SHISA9: variants seen among roughly 807,000 people sequenced by gnomAD.
SHISA9 encodes the protein protein shisa-9.
SHISA9 carries 13 observed loss-of-function variants against 38.0 expected under a neutral mutation model. The ratio of observed to expected loss-of-function variants is 0.34; its 90% confidence interval spans 0.22 to 0.54. The LOEUF is 0.54. SHISA9 is among the 20% of genes least tolerant of loss of function. SHISA9 has a pLI of 0.91. For synonymous variants in SHISA9, 275 were observed against 242.0 expected, an observed-to-expected ratio of 1.14 and a Z score of -1.27; for missense variants, 538 against 575.8, an observed-to-expected ratio of 0.93 and a Z score of 0.67.
At chr16:12,979,955 G>A (rs2072218936) in intron 2 of SHISA9, among the ~76,000 whole-genome samples, 1 of 151,990 alleles carries the variant, frequency 6.6e-6, no homozygotes. Context: ...AATCTCCTGG[G>A]GATCATATTA....
intron 4 of SHISA9, among the ~76,000 whole-genome samples, chr16:13,225,040 G>A (rs1164445644): frequency 2.0e-5 from 3 of 152,130 alleles, no homozygotes; most frequent in East Asian, 3.9e-4. Flanking sequence ...AATTAATGTG[G>A]GCCCTAATCC....
At chr16:13,544,308 A>G in the SHISA9 span, among the ~76,000 whole-genome samples, 2 of 149,082 alleles carry the variant, frequency 1.3e-5, no homozygotes, top group African/African-American at 4.9e-5. Flanking sequence ...CCTTAGCCTC[A>G]GAAGGGTAAA....
At chr16:13,165,957 A>G (rs1596695035) in intron 2 of SHISA9, among the ~76,000 whole-genome samples, 3 of 152,180 alleles carry the variant, frequency 2.0e-5, no homozygotes. Flanking sequence ...AGAAAATGAC[A>G]GGTATTATCA....
rs137892783 is a variant in SHISA9, at chr16:12,915,102, C to T, written c.564-1586C>T. Among the ~76,000 whole-genome samples, 931 of 152,282 alleles carry T rather than the reference C, an allele frequency of 6.1e-3. 17 individuals carry two copies. The highest frequency in any genetic ancestry group is 0.021 in the African/African-American group (869 of 41,548). ...GGGCATGGGGGTATATCCCCAAACA[C>T]GGCAATTCTACTTGTGGGTTTGCAC... On this transcript the variant is annotated intron_variant, in intron 1 of 4. Coordinates refer to ENST00000558583, the MANE Select transcript of SHISA9 (RefSeq NM_001145204.3).
the SHISA9 span, among the ~76,000 whole-genome samples, chr16:13,250,301 G>A: frequency 3.7e-3 from 561 of 152,252 alleles, 20 homozygotes; most frequent in East Asian, 0.077. Flanking sequence ...AGGAGTGGGG[G>A]CAGGAGGTAC....
At chr16:12,934,191 G>A (rs550153533) in intron 2 of SHISA9, among the ~76,000 whole-genome samples, 1 of 152,270 alleles carries the variant, frequency 6.6e-6, no homozygotes, top group Admixed American at 6.5e-5. Flanking sequence ...ATGCTATTCA[G>A]AAAAAGGAAC....
chr16:12,933,030 G>C (rs906126700), intron 2 of SHISA9, among the ~76,000 whole-genome samples: 1 of 152,032 alleles, frequency 6.6e-6, no homozygotes, highest in African/African-American at 2.4e-5. Context: ...ATAAAATGAG[G>C]GAATATAGAC....
chr16:13,049,174 G>C lies in SHISA9; in HGVS notation c.691+132359G>C, dbSNP rs1036060371. Among the ~76,000 whole-genome samples, 423 of 150,806 alleles carry C rather than the reference G, an allele frequency of 2.8e-3. 3 individuals carry two copies. Among genetic ancestry groups the C allele is most frequent in the Middle Eastern group, 0.017 (5 of 294 alleles). On this transcript the variant is annotated intron_variant, in intron 2 of 4. Coordinates refer to ENST00000558583, the MANE Select transcript of SHISA9 (RefSeq NM_001145204.3). ...TAGGAGTATGTGTGTGTGTGTGTGT[G>C]TGTGTGTGTGTGTGTGTGTGTGTGT...
At chr16:13,142,621 C>T (rs2050411367) in intron 2 of SHISA9, among the ~76,000 whole-genome samples, 1 of 152,144 alleles carries the variant, frequency 6.6e-6, no homozygotes, top group Admixed American at 6.5e-5. Context: ...GCCAGATAGT[C>T]CTTTTGATTT....
At chr16:13,144,485 TG>T (rs1396780543) in intron 2 of SHISA9, among the ~76,000 whole-genome samples, 5 of 152,122 alleles carry the variant, frequency 3.3e-5, no homozygotes, top group Admixed American at 3.3e-4. Context: ...ATCTCTGCTC[TG>T]GTGTGCATCT....
chr16:13,019,792 C>CT (rs1333774766), intron 2 of SHISA9, among the ~76,000 whole-genome samples: 4 of 135,160 alleles, frequency 3.0e-5, no homozygotes, highest in African/African-American at 1.1e-4. Context: ...TTCTTTCTTT[C>CT]TTTCTTTCTT....
At chr16:13,077,621 AAGT>A (rs1319626751) in intron 2 of SHISA9, among the ~76,000 whole-genome samples, 1 of 152,180 alleles carries the variant, frequency 6.6e-6, no homozygotes, top group Non-Finnish European at 1.5e-5. Flanking sequence ...CCCAGGTGAG[AAGT>A]AGTAGCCTGC....
the SHISA9 span, among the ~76,000 whole-genome samples, chr16:13,501,988 C>T: frequency 8.8e-5 from 12 of 136,970 alleles, no homozygotes; most frequent in Admixed American, 7.4e-4. Flanking sequence ...GGCAACAAAG[C>T]GAAACTCCGT....
chr16:13,227,998 T>C (rs2051295891), intron 4 of SHISA9, among the ~76,000 whole-genome samples: 1 of 152,202 alleles, frequency 6.6e-6, no homozygotes, highest in Non-Finnish European at 1.5e-5. Flanking sequence ...AATATAGGTA[T>C]TGAGCATTTA....
chr16:13,145,047 C>T (rs1352232034), intron 2 of SHISA9, among the ~76,000 whole-genome samples: 2 of 152,148 alleles, frequency 1.3e-5, no homozygotes, highest in Admixed American at 6.5e-5. Context: ...GTTTCTTCGA[C>T]CCTATTGTTT....
At position 12,958,702 on chromosome 16, in the gene SHISA9, A is replaced by G. The variant is rs2071868377; in HGVS notation, c.691+41887A>G. ...TCATCTGTTGTTCCACAGTCACTAC[A>G]TGAGGTCAGCTGGGAAGATATGAAT... On this transcript the variant is annotated intron_variant, in intron 2 of 4. Coordinates refer to ENST00000558583, the MANE Select transcript of SHISA9 (RefSeq NM_001145204.3). 1.3e-5 allele frequency among the ~76,000 whole-genome samples: 2 copies of G among 152,200 alleles called. 1 individual carries two copies. The highest frequency in any genetic ancestry group is 4.1e-4 in the South Asian group (2 of 4,832).
At chr16:13,108,755 T>A (rs569226545) in intron 2 of SHISA9, among the ~76,000 whole-genome samples, 1 of 152,220 alleles carries the variant, frequency 6.6e-6, no homozygotes, top group Non-Finnish European at 1.5e-5. Flanking sequence ...TTTGATTTGA[T>A]CTTTTTCATT....
Position 12,990,157 on chromosome 16 carries a change from G to A in SHISA9, c.691+73342G>A, listed in dbSNP as rs372770480. Among the ~76,000 whole-genome samples the A allele has an allele frequency of 7.9e-5, 12 of 152,168 alleles. No homozygotes were observed. The East Asian group carries it at 9.7e-4, about 12-fold the overall frequency. On this transcript the variant is annotated intron_variant, in intron 2 of 4. Transcript: ENST00000558583. Reference sequence around the variant, plus strand: ...CAGTATCCCATTGTGTACACATACCGCCTTTTCTTTATCCAGTCTGTCATT... The same window carrying A: ...CAGTATCCCATTGTGTACACATACCACCTTTTCTTTATCCAGTCTGTCATT...
At chr16:13,324,935 A>C in the SHISA9 span, among the ~76,000 whole-genome samples, 1 of 152,224 alleles carries the variant, frequency 6.6e-6, no homozygotes, top group Non-Finnish European at 1.5e-5. Flanking sequence ...AGTTTTCCTG[A>C]TTGGATATTG....
Sources: allele counts gnomAD v4.1 joint callset (sites outside exome capture counted in the v4.1 genomes callset), GRCh38; gene constraint gnomAD v4.1.1; transcripts MANE v1.5; gene names NCBI Gene and HGNC (gene_info 2026-07-23, HGNC 2026-07-21).